SLC37A2: variants seen among roughly 807,000 people sequenced by gnomAD.
SLC37A2 encodes the protein solute carrier family 37 member 2.
SLC37A2 carries 59 observed loss-of-function variants against 70.7 expected under a neutral mutation model. The ratio of observed to expected loss-of-function variants is 0.83; its 90% CI spans 0.68 to 1.04. The LOEUF (loss-of-function observed/expected upper bound fraction) is 1.04, where lower values mean the gene tolerates loss of function less well. Among genes scored for constraint, SLC37A2 ranks in the 50% least tolerant of loss-of-function variants. The pLI is 0.00. For synonymous variants in SLC37A2, 257 were observed against 262.1 expected, an observed-to-expected ratio of 0.98 and a Z score of 0.19; for missense variants, 580 against 658.1, an observed-to-expected ratio of 0.88 and a Z score of 1.30.
chr11:125,085,720 C>T, intron 16 of SLC37A2, 46 bp downstream of exon 16: 1 of 1,588,282 alleles, frequency 6.3e-7, no homozygotes. Context: ...GATGCTCTGT[C>T]CTGCCAGACT....
At chr11:125,077,197 ACC>A in intron 2 of SLC37A2, 31 bp from the exon 3 acceptor site, 1 of 1,516,042 alleles carries the variant, frequency 6.6e-7, no homozygotes, top group Non-Finnish European at 8.9e-7. Flanking sequence ...CTCTGGGTCA[ACC>A]CCTGACCTGT....
intron 1 of SLC37A2, among the ~76,000 whole-genome samples, chr11:125,073,733 T>C (rs1293210166): frequency 6.6e-6 from 1 of 152,240 alleles, no homozygotes; most frequent in Non-Finnish European, 1.5e-5. Context: ...ATCAACTCCC[T>C]GACATCCACC....
Position 125,090,094 on chromosome 11 carries a change from C to T in SLC37A2, c.*1960C>T, listed in dbSNP as rs1949268376. The T allele has an allele frequency of 6.6e-6, 1 of 152,302 alleles. No homozygotes were observed. Among genetic ancestry groups the T allele is most frequent in the African/African-American group, 2.4e-5 (1 of 41,456 alleles). 9.4% of individuals were successfully genotyped at this position (152,302 alleles called of 1,614,324 possible). On this transcript the variant is annotated 3_prime_UTR_variant, in exon 18 of 18. Transcript: ENST00000403796. ...CTGTATCTAGCTGCTCTGGTGGGGC[C>T]TCGGAGAACCTTTATATCTAGCTCA...
intron 4 of SLC37A2, 55 bp downstream of exon 4, chr11:125,077,583 C>G: frequency 2.1e-6 from 3 of 1,444,426 alleles, no homozygotes; most frequent in Non-Finnish European, 1.9e-6. Context: ...GAGCTGCTAC[C>G]TCCCCTTAAG....
chr11:125,077,127 A>G, intron 2 of SLC37A2, 103 bp from the exon 3 acceptor site: 2 of 944,508 alleles, frequency 2.1e-6, no homozygotes, highest in Non-Finnish European at 3.2e-6. Context: ...TAGCGGGGAC[A>G]TAGAATCTGG....
intron 11 of SLC37A2, 102 bp from the exon 12 acceptor site, chr11:125,084,132 G>T: frequency 7.5e-6 from 10 of 1,328,868 alleles, no homozygotes; most frequent in Non-Finnish European, 9.7e-6. Context: ...GCTGGTTCTT[G>T]CTGACAGGCC....
At position 125,085,423 on chromosome 11, in the gene SLC37A2, C is replaced by T; in HGVS notation, c.1277C>T (p.Ala426Val). Reference sequence around the variant, plus strand: ...ACTCACAAGAGCCTGAAGGGCAACGCCAAAGCCCTGTCCACGGTCACGGCC... The same window carrying T: ...ACTCACAAGAGCCTGAAGGGCAACGTCAAAGCCCTGTCCACGGTCACGGCC... ...LGTHKSLKGN[A>V]KALSTVTAII... Residue 426 changes from alanine (A) to valine (V), a missense_variant, in exon 15 of 18, where the codon GCC becomes GTC. Coordinates refer to ENST00000403796, the MANE Select transcript of SLC37A2 (RefSeq NM_001145290.2). The T allele has an allele frequency of 6.2e-7, 1 of 1,614,000 alleles. No homozygotes were observed. Among genetic ancestry groups the T allele is most frequent in the East Asian group, 2.2e-5 (1 of 44,836 alleles).
At chr11:125,081,368 GA>G (rs1190523528) in intron 7 of SLC37A2, 52 bp from the exon 8 acceptor site, 8 of 1,445,694 alleles carry the variant, frequency 5.5e-6, no homozygotes, top group East Asian at 2.8e-5. Flanking sequence ...ATCACCTCGG[GA>G]TTGGGGGGGC....
At chr11:125,084,941 G>T in intron 13 of SLC37A2, 68 bp downstream of exon 13, 1 of 1,601,010 alleles carries the variant, frequency 6.2e-7, no homozygotes, top group Non-Finnish European at 8.6e-7. Context: ...CCATGAGGCT[G>T]GCCCACGGGG....
At position 125,072,914 on chromosome 11, in the gene SLC37A2, G is replaced by A. The variant is rs12418529; in HGVS notation, c.60-3843G>A. 1.5e-3 allele frequency among the ~76,000 whole-genome samples: 227 copies of A among 152,270 alleles called. 1 individual carries two copies. Among genetic ancestry groups the A allele is most frequent in the Admixed American group, 0.013 (197 of 15,300 alleles). On this transcript the variant is annotated intron_variant, in intron 1 of 17. Transcript: ENST00000403796. ...AGCTCATCCCTCCATCCCTCTGGAGGCCAGGAAGGAAGTCCCAGAAAAGGC... is the reference window on the plus strand; with the variant it reads ...AGCTCATCCCTCCATCCCTCTGGAGACCAGGAAGGAAGTCCCAGAAAAGGC...
chr11:125,069,018 C>T (rs759729295), intron 1 of SLC37A2, among the ~76,000 whole-genome samples: 14 of 152,176 alleles, frequency 9.2e-5, no homozygotes, highest in South Asian at 2.1e-4. Flanking sequence ...CTGTATCACA[C>T]GAGTGTTTTG....
Position 125,063,350 on chromosome 11 carries a change from A to C in SLC37A2, c.-18A>C, listed in dbSNP as rs1005815401. The C allele has an allele frequency of 1.2e-6, 2 of 1,607,692 alleles. No individual in the cohort carries two copies. The highest frequency in any genetic ancestry group is 2.7e-5 in the African/African-American group (2 of 74,456). On this transcript the variant is annotated 5_prime_UTR_variant, in exon 1 of 18. Transcript: ENST00000403796. This position sits in a 1 kb window ranked among gnomAD's most constrained non-coding sequence, Gnocchi z 5.4. ...TAGCCTCCTCCGTCGACTCAGCCTT[A>C]GGTACCGGTCAGGCAAAATGCGGTC...
chr11:125,065,960 G>A (rs1412420705), intron 1 of SLC37A2, among the ~76,000 whole-genome samples: 1 of 152,188 alleles, frequency 6.6e-6, no homozygotes, highest in Non-Finnish European at 1.5e-5. Flanking sequence ...TTCCTTATAT[G>A]TCCAGAAAAT....
At chr11:125,070,980 GT>G (rs1325796803) in intron 1 of SLC37A2, among the ~76,000 whole-genome samples, 1 of 152,234 alleles carries the variant, frequency 6.6e-6, no homozygotes, top group African/African-American at 2.4e-5. Flanking sequence ...CCAAGGCCTT[GT>G]TTTTTCCATT....
rs770000685 is a variant in SLC37A2 at position 125,072,159 on chromosome 11, TTTTG to T, written c.60-4586_60-4583del. 7.9e-5 allele frequency among the ~76,000 whole-genome samples: 12 copies of T among 152,020 alleles called. No individual in the cohort carries two copies. In the South Asian group the frequency reaches 1.0e-3, roughly 13 times the overall value. ...GTGGTGGCAGTCGGTCTTTTGGGGG[TTTTG>T]TTTGTTTGTTTCTAATCTGTCACTG... On this transcript the variant is annotated intron_variant, in intron 1 of 17. Coordinates refer to ENST00000403796, the MANE Select transcript of SLC37A2 (RefSeq NM_001145290.2).
At position 125,080,705 on chromosome 11, in the gene SLC37A2, T is replaced by G; in HGVS notation, c.619T>G (p.Trp207Gly). 6.3e-7 allele frequency: 1 copy of G among 1,580,306 alleles called. No individual in the cohort carries two copies. Among genetic ancestry groups the G allele is most frequent in the Admixed American group, 1.8e-5 (1 of 56,070 alleles). ...CGCCGGCATCTGGGTGAACGGGCAG[T>G]GGGGCCTGTCGTTCATCGTGCCTGG... ...LIAGIWVNGQ[W>G]GLSFIVPGII... The change falls in exon 7 of 18, where the codon TGG (tryptophan) becomes GGG (glycine). Residue 207 changes from tryptophan (W) to glycine (G), a missense_variant. Physicochemically the swap from Trp to Gly is radical, Grantham distance 184 (BLOSUM62 -2). Transcript: ENST00000403796. This position sits in a 1 kb window ranked among gnomAD's most constrained non-coding sequence, Gnocchi z 4.3.
intron 4 of SLC37A2, among the ~76,000 whole-genome samples, chr11:125,077,861 G>A (rs2135568833): frequency 6.6e-6 from 1 of 152,302 alleles, no homozygotes; most frequent in East Asian, 1.9e-4. Context: ...CCTCTGCTGT[G>A]TCCAAACCAG....
chr11:125,082,116 T>G, intron 9 of SLC37A2, 128 bp from the exon 10 acceptor site: 1 of 1,025,244 alleles, frequency 9.8e-7, no homozygotes, highest in Non-Finnish European at 1.5e-6. Context: ...TGGGACTGGA[T>G]GTGTTGGAGG....
At chr11:125,067,777 A>G (rs1458374457) in intron 1 of SLC37A2, among the ~76,000 whole-genome samples, 1 of 151,614 alleles carries the variant, frequency 6.6e-6, no homozygotes, top group Non-Finnish European at 1.5e-5. Context: ...TTTCCTTTCT[A>G]CAAACCTAAA....
Sources: gnomAD v4.1 joint callset for allele counts (sites outside exome capture counted in the v4.1 genomes callset) on GRCh38, gnomAD v4.1.1 for gene constraint, Gnocchi (gnomAD v3.1) non-coding constraint, MANE v1.5 for transcripts, NCBI Gene and HGNC (gene_info 2026-07-23, HGNC 2026-07-21) for gene names.